Variants in SLC9C1 observed in about 807,000 individuals in gnomAD.
SLC9C1 encodes solute carrier family 9 member C1.
In SLC9C1, 97 loss-of-function variants were observed where a neutral mutation model predicts 140.9. That is an observed-to-expected ratio of 0.69 (90% CI 0.58 to 0.82). The LOEUF (loss-of-function observed/expected upper bound fraction) is 0.82. SLC9C1 is among the 40% of genes least tolerant of loss of function. The probability of loss-of-function intolerance (pLI) is 0.00; values close to 1 mark genes in which losing one functional copy is unlikely to be tolerated. For missense variants in SLC9C1, 1,340 were observed against 1,389.3 expected (o/e 0.96, Z 0.56); for synonymous variants, 440 against 442.6 (o/e 0.99, Z 0.07).
intron 15 of SLC9C1, among the ~76,000 whole-genome samples, chr3:112,212,493 G>T (rs976801539): frequency 2.6e-5 from 4 of 152,174 alleles, no homozygotes; most frequent in Non-Finnish European, 5.9e-5. Context: ...AGAATAACCA[G>T]TGTAGAGAAG....
intron 10 of SLC9C1, among the ~76,000 whole-genome samples, chr3:112,262,598 C>T (rs149062982): frequency 2.0e-5 from 3 of 152,058 alleles, no homozygotes; most frequent in African/African-American, 7.2e-5. Flanking sequence ...CAGAAAGTTA[C>T]AGAAGGTAAT....
rs549554980 is a variant in SLC9C1 at position 112,206,634 on chromosome 3, C to A, written c.1986+1544G>T. Among the ~76,000 whole-genome samples, 459 of 151,778 alleles carry A rather than the reference C, an allele frequency of 3.0e-3. 4 individuals carry two copies. Among genetic ancestry groups the A allele is most frequent in the African/African-American group, 0.011 (433 of 41,184 alleles). The stretch of plus-strand genomic sequence containing the variant: ...ATAGACTGGATTAAGAAAATGTGGC[C>A]CATATACACCATGGAATACTACGCA... On this transcript the variant is annotated intron_variant, in intron 16 of 28. Transcript: ENST00000305815.
intron 2 of SLC9C1, 117 bp from the exon 3 acceptor site, chr3:112,280,900 G>T: frequency 6.4e-6 from 3 of 468,616 alleles, no homozygotes; most frequent in Non-Finnish European, 7.0e-6. Context: ...CTTTTCATGA[G>T]TTTAAAATCC....
intron 25 of SLC9C1, 125 bp downstream of exon 25, chr3:112,168,752 T>G: frequency 2.3e-6 from 2 of 870,058 alleles, no homozygotes; most frequent in Non-Finnish European, 1.7e-6. Context: ...GTTTATGGAG[T>G]GGTGGGAAAA....
chr3:112,213,331 G>A (rs1169088741), intron 15 of SLC9C1, among the ~76,000 whole-genome samples: 1 of 152,090 alleles, frequency 6.6e-6, no homozygotes, highest in Non-Finnish European at 1.5e-5. Flanking sequence ...ACATCATAAT[G>A]ACAGGATCAA....
At chr3:112,259,516 A>G (rs1297354475) in intron 10 of SLC9C1, among the ~76,000 whole-genome samples, 1 of 152,122 alleles carries the variant, frequency 6.6e-6, no homozygotes, top group Non-Finnish European at 1.5e-5. Flanking sequence ...TAAGTGAACT[A>G]ACACAAGAAC....
intron 5 of SLC9C1, among the ~76,000 whole-genome samples, chr3:112,275,894 A>G (rs1170606379): frequency 8.0e-5 from 11 of 137,530 alleles, no homozygotes; most frequent in African/African-American, 3.0e-4. Context: ...TTGTTTTTTT[A>G]TGAGACTCGA....
chr3:112,171,075 A>C (rs943144682), intron 23 of SLC9C1, among the ~76,000 whole-genome samples: 1 of 152,060 alleles, frequency 6.6e-6, no homozygotes, highest in African/African-American at 2.4e-5. Context: ...TTATCTGGGC[A>C]TGGTGGCACG....
chr3:112,276,043 T>C (rs2080205358), intron 5 of SLC9C1, among the ~76,000 whole-genome samples: 1 of 152,094 alleles, frequency 6.6e-6, no homozygotes, highest in African/African-American at 2.4e-5. Context: ...GCCCCCTCAG[T>C]GTCCACCAGC....
chr3:112,290,177 C>T (rs1489577387), intron 1 of SLC9C1, among the ~76,000 whole-genome samples: 1 of 152,122 alleles, frequency 6.6e-6, no homozygotes, highest in South Asian at 2.1e-4. Flanking sequence ...TAAGCATCCT[C>T]GAGTATACAG....
intron 1 of SLC9C1, among the ~76,000 whole-genome samples, chr3:112,293,150 A>C (rs1461490689): frequency 1.3e-5 from 2 of 150,734 alleles, no homozygotes; most frequent in East Asian, 3.9e-4. Flanking sequence ...GTGTGGTGGC[A>C]CATGCCTGTA....
chr3:112,267,575 C>CTAAAAA (rs2079955209), intron 7 of SLC9C1, among the ~76,000 whole-genome samples: 1 of 56,852 alleles, frequency 1.8e-5, no homozygotes, highest in Non-Finnish European at 3.0e-5. Context: ...GACTCCGTCT[C>CTAAAAA]AAAAAAAAAA....
chr3:112,191,228 T>C (rs960422156), intron 20 of SLC9C1, among the ~76,000 whole-genome samples: 1 of 152,132 alleles, frequency 6.6e-6, no homozygotes, highest in Non-Finnish European at 1.5e-5. Context: ...TGGTCAGGAC[T>C]TCCAGTACTA....
chr3:112,253,827 A>G (rs2079531879), intron 10 of SLC9C1, among the ~76,000 whole-genome samples: 1 of 152,234 alleles, frequency 6.6e-6, no homozygotes, highest in Non-Finnish European at 1.5e-5. Flanking sequence ...AGTAATGAAT[A>G]TCATCAAGAT....
At chr3:112,154,580 C>T (rs2075075772) in intron 27 of SLC9C1, among the ~76,000 whole-genome samples, 1 of 152,154 alleles carries the variant, frequency 6.6e-6, no homozygotes, top group South Asian at 2.1e-4. Flanking sequence ...TTCTGTCATG[C>T]ACTGTAAACA....
chr3:112,184,484 A>C (rs934843409), intron 20 of SLC9C1, among the ~76,000 whole-genome samples: 5 of 147,236 alleles, frequency 3.4e-5, no homozygotes, highest in African/African-American at 1.3e-4. Context: ...CTAAAAATAA[A>C]AAATTAGCAG....
At chr3:112,169,574 T>C (rs2077207598) in intron 23 of SLC9C1, among the ~76,000 whole-genome samples, 1 of 152,234 alleles carries the variant, frequency 6.6e-6, no homozygotes, top group Non-Finnish European at 1.5e-5. Context: ...TTTTAAATTC[T>C]GTTCCATTGA....
At chr3:112,289,878 T>C (rs2080627048) in intron 1 of SLC9C1, among the ~76,000 whole-genome samples, 1 of 152,204 alleles carries the variant, frequency 6.6e-6, no homozygotes, top group Non-Finnish European at 1.5e-5. Flanking sequence ...ATTCTCAACC[T>C]TGGCCACACA....
chr3:112,186,449 TAAAAC>T (rs1373260515), intron 20 of SLC9C1, among the ~76,000 whole-genome samples: 2 of 152,210 alleles, frequency 1.3e-5, no homozygotes, highest in African/African-American at 4.8e-5. Context: ...CAAAAACAAT[TAAAAC>T]AAAATTAAAA....
Sources: allele counts gnomAD v4.1 joint callset (sites outside exome capture counted in the v4.1 genomes callset), GRCh38; gene constraint gnomAD v4.1.1; transcripts MANE v1.5; gene names NCBI Gene and HGNC (gene_info 2026-07-23, HGNC 2026-07-21).